The following SAMD3 variants were observed in gnomAD, a reference collection of about 807,000 sequenced individuals.
The protein encoded by SAMD3 is sterile alpha motif domain-containing protein 3.
SAMD3 carries 63 observed loss-of-function variants against 58.5 expected under a neutral mutation model. The ratio of observed to expected loss-of-function variants is 1.08; its 90% confidence interval spans 0.88 to 1.33. The LOEUF (loss-of-function observed/expected upper bound fraction) is 1.33. Among genes scored for constraint, SAMD3 ranks in the 40% most tolerant of loss-of-function variants. The pLI is 0.00. For synonymous variants in SAMD3, 220 were observed against 210.3 expected (o/e 1.05, Z -0.40); for missense variants, 604 against 608.4 (o/e 0.99, Z 0.08).
intron 2 of SAMD3, among the ~76,000 whole-genome samples, chr6:130,284,991 C>T (rs377662988): frequency 1.3e-5 from 2 of 152,172 alleles, no homozygotes; most frequent in Admixed American, 6.5e-5. Context: ...TTTGTAATAG[C>T]AAAGAGTAGA....
intron 2 of SAMD3, among the ~76,000 whole-genome samples, chr6:130,284,515 T>C (rs769010865): frequency 2.0e-5 from 3 of 152,116 alleles, no homozygotes; most frequent in Non-Finnish European, 2.9e-5. Context: ...AAGATAGATA[T>C]AAATCCAAAT....
chr6:130,229,187 C>T (rs1178977550), intron 2 of SAMD3, among the ~76,000 whole-genome samples: 4 of 152,182 alleles, frequency 2.6e-5, no homozygotes, highest in Non-Finnish European at 5.9e-5. Flanking sequence ...TTCTCGTGCC[C>T]AAGCATGGCC....
At position 130,205,545 on chromosome 6, in the gene SAMD3, C is replaced by T. The variant is rs193190280; in HGVS notation, c.383+3950G>A. Among the ~76,000 whole-genome samples the T allele has an allele frequency of 2.4e-3, 365 of 151,820 alleles. 2 individuals carry two copies. The highest frequency in any genetic ancestry group is 3.9e-3 in the Non-Finnish European group (265 of 67,854). On this transcript the variant is annotated intron_variant, in intron 5 of 11. Transcript: ENST00000439090. ...TCTCGAACTCCTGACCTCAGGTGATCCACCCACCTCAGCCTCCCAGAGTGC... is the reference window on the plus strand; with the variant it reads ...TCTCGAACTCCTGACCTCAGGTGATTCACCCACCTCAGCCTCCCAGAGTGC...
intron 5 of SAMD3, among the ~76,000 whole-genome samples, chr6:130,198,678 C>T (rs972499959): frequency 6.6e-6 from 1 of 152,166 alleles, no homozygotes; most frequent in Non-Finnish European, 1.5e-5. Context: ...GATACAAAAA[C>T]CAGTGGGGAA....
At chr6:130,331,181 C>T (rs1208532556) in intron 1 of SAMD3, among the ~76,000 whole-genome samples, 2 of 152,234 alleles carry the variant, frequency 1.3e-5, no homozygotes, top group East Asian at 3.9e-4. Flanking sequence ...ACTGGAGCTA[C>T]TTCTATTAAA....
At chr6:130,335,538 A>C (rs1350684250) in intron 1 of SAMD3, among the ~76,000 whole-genome samples, 2 of 152,254 alleles carry the variant, frequency 1.3e-5, no homozygotes, top group Admixed American at 1.3e-4. Context: ...TTTGTAAGCC[A>C]ACATTATCAA....
At chr6:130,209,438 AAGAAAT>A in intron 5 of SAMD3, 51 bp downstream of exon 5, 1 of 915,172 alleles carries the variant, frequency 1.1e-6, no homozygotes, top group South Asian at 1.6e-5. Context: ...CCTTATCAAA[AAGAAAT>A]AGAGAAGAAT....
intron 2 of SAMD3, among the ~76,000 whole-genome samples, chr6:130,267,791 C>T (rs1016492765): frequency 1.3e-5 from 2 of 152,194 alleles, no homozygotes; most frequent in African/African-American, 2.4e-5. Flanking sequence ...GTGCATGCAG[C>T]CCCTGTCACT....
At chr6:130,195,807 C>T (rs993735245) in intron 5 of SAMD3, among the ~76,000 whole-genome samples, 4 of 152,252 alleles carry the variant, frequency 2.6e-5, no homozygotes, top group Middle Eastern at 6.8e-3. Context: ...CTCTCCCTGC[C>T]GATCATGTCT....
chr6:130,199,923 T>G (rs1794484525), intron 5 of SAMD3, among the ~76,000 whole-genome samples: 1 of 152,134 alleles, frequency 6.6e-6, no homozygotes, highest in African/African-American at 2.4e-5. Context: ...GAATTACATG[T>G]CTGAAATGCA....
chr6:130,219,641 AG>A (rs2114859536), intron 1 of SAMD3, among the ~76,000 whole-genome samples: 2 of 152,344 alleles, frequency 1.3e-5, no homozygotes, highest in South Asian at 4.1e-4. Context: ...AATCTCATCC[AG>A]GTCACTGCGA....
intron 2 of SAMD3, among the ~76,000 whole-genome samples, chr6:130,228,521 TC>T (rs1444874479): frequency 6.6e-6 from 1 of 152,136 alleles, no homozygotes; most frequent in Non-Finnish European, 1.5e-5. Flanking sequence ...ATATCCAGCT[TC>T]CATATCTGTC....
intron 5 of SAMD3, among the ~76,000 whole-genome samples, chr6:130,190,018 T>C (rs1420946186): frequency 6.6e-6 from 1 of 152,178 alleles, no homozygotes; most frequent in Admixed American, 6.5e-5. Flanking sequence ...CAACCCATTA[T>C]GTGGAAAAGG....
At chr6:130,228,171 AG>A (rs1796437155) in intron 2 of SAMD3, among the ~76,000 whole-genome samples, 2 of 152,212 alleles carry the variant, frequency 1.3e-5, no homozygotes, top group Admixed American at 1.3e-4. Context: ...GTATATACAA[AG>A]CCAGATGGAT....
At chr6:130,294,103 A>G (rs4895876) in intron 2 of SAMD3, among the ~76,000 whole-genome samples, 42,382 of 152,082 alleles carry the variant, frequency 0.28, 6,362 homozygotes, top group East Asian at 0.45. Flanking sequence ...TGAGAGATAC[A>G]GATTTGAAGA....
chr6:130,285,532 AG>A (rs1461404675), intron 2 of SAMD3, among the ~76,000 whole-genome samples: 1 of 152,206 alleles, frequency 6.6e-6, no homozygotes, highest in African/African-American at 2.4e-5. Context: ...TGGAAGCATG[AG>A]GGTGCACGGT....
At chr6:130,275,168 CATTT>C (rs781191623) in intron 2 of SAMD3, among the ~76,000 whole-genome samples, 2 of 152,008 alleles carry the variant, frequency 1.3e-5, no homozygotes, top group African/African-American at 2.4e-5. Context: ...CTTGTGGTGT[CATTT>C]ATTTATTTAT....
chr6:130,156,022 A>C (rs183231634), intron 8 of SAMD3, among the ~76,000 whole-genome samples: 4 of 152,142 alleles, frequency 2.6e-5, no homozygotes, highest in African/African-American at 7.2e-5. Flanking sequence ...AGAGTGTTCA[A>C]ATTTATGCAA....
At chr6:130,295,151 G>C (rs564136483) in intron 2 of SAMD3, among the ~76,000 whole-genome samples, 12 of 152,152 alleles carry the variant, frequency 7.9e-5, no homozygotes, top group Admixed American at 3.3e-4. Context: ...TCGAACTCCC[G>C]ACCTCAGGTG....
Sources: gnomAD v4.1 joint callset for allele counts (sites outside exome capture counted in the v4.1 genomes callset) on GRCh38, gnomAD v4.1.1 for gene constraint, MANE v1.5 for transcripts, NCBI Gene and HGNC (gene_info 2026-07-23, HGNC 2026-07-21) for gene names.